BTBD1: variants seen among roughly 807,000 people sequenced by gnomAD.
BTBD1 encodes the protein BTB/POZ domain-containing protein 1.
In BTBD1, 34 loss-of-function variants were observed where a neutral mutation model predicts 48.0. The ratio of observed to expected loss-of-function variants is 0.71; its 90% CI spans 0.54 to 0.94. The LOEUF (loss-of-function observed/expected upper bound fraction) is 0.94. Among genes scored for constraint, BTBD1 ranks in the 40% least tolerant of loss-of-function variants. BTBD1 has a pLI of 0.00. For synonymous variants in BTBD1, 261 were observed against 242.1 expected, an observed-to-expected ratio of 1.08 and a Z score of -0.72; for missense variants, 543 against 625.6, an observed-to-expected ratio of 0.87 and a Z score of 1.41.
At chr15:83,051,571 ACT>A (rs2032982660) in intron 2 of BTBD1, among the ~76,000 whole-genome samples, 2 of 151,208 alleles carry the variant, frequency 1.3e-5, no homozygotes, top group South Asian at 4.1e-4. Flanking sequence ...TAGATTATAC[ACT>A]GAGCCTGTTT....
At chr15:83,048,905 G>A (rs1467780065) in intron 3 of BTBD1, among the ~76,000 whole-genome samples, 1 of 152,212 alleles carries the variant, frequency 6.6e-6, no homozygotes, top group African/African-American at 2.4e-5. Flanking sequence ...GTGAGTGACA[G>A]TGGTCATAGT....
At chr15:83,065,900 T>G (rs2033260070) in intron 1 of BTBD1, among the ~76,000 whole-genome samples, 1 of 152,248 alleles carries the variant, frequency 6.6e-6, no homozygotes, top group Non-Finnish European at 1.5e-5. Flanking sequence ...TGTGACCTTG[T>G]GTGTAGAAAC....
At position 83,017,304 on chromosome 15, in the gene BTBD1, T is replaced by A. The variant is rs543316237; in HGVS notation, c.*763A>T. 1.3e-5 allele frequency: 2 copies of A among 152,772 alleles called. No individual in the cohort carries two copies. Among genetic ancestry groups the A allele is most frequent in the Non-Finnish European group, 2.9e-5 (2 of 68,032 alleles). The allele number at this position is 152,772 out of a possible 1,614,324, so 9.5% of individuals were successfully genotyped here. ...GTCATCATCTCAATCTTGGGAATCA[T>A]CAGCAGTGTCCCCCACACAGAGAGA... is the stretch of plus-strand genomic sequence containing the variant. On this transcript the variant is annotated 3_prime_UTR_variant, in exon 8 of 8. Coordinates refer to ENST00000261721, the MANE Select transcript of BTBD1 (RefSeq NM_025238.4).
intron 6 of BTBD1, among the ~76,000 whole-genome samples, chr15:83,019,927 G>A (rs1363734941): frequency 7.8e-5 from 10 of 128,948 alleles, no homozygotes; most frequent in South Asian, 2.7e-4. Flanking sequence ...CCAAGATCGC[G>A]CCACTGCACT....
chr15:83,020,846 C>T (rs1413159996), intron 5 of BTBD1, 84 bp from the exon 6 acceptor site: 2 of 753,068 alleles, frequency 2.7e-6, no homozygotes, highest in Non-Finnish European at 4.3e-6. Flanking sequence ...TAAGTGTAAC[C>T]TGGAACATCC....
intron 1 of BTBD1, among the ~76,000 whole-genome samples, 192 bp from the exon 2 acceptor site, chr15:83,056,737 G>C (rs1398562193): frequency 8.5e-6 from 1 of 117,268 alleles, no homozygotes; most frequent in East Asian, 2.8e-4. Context: ...CCATCGACAG[G>C]GTCTTGATCG....
chr15:83,058,161 C>A (rs1013746805), intron 1 of BTBD1, among the ~76,000 whole-genome samples: 1 of 152,234 alleles, frequency 6.6e-6, no homozygotes, highest in Non-Finnish European at 1.5e-5. Flanking sequence ...TTACTTCCAA[C>A]TGCTAGCCAA....
chr15:83,041,522 CCCA>C (rs1794206955), intron 4 of BTBD1, among the ~76,000 whole-genome samples: 1 of 151,990 alleles, frequency 6.6e-6, no homozygotes, highest in African/African-American at 2.4e-5. Flanking sequence ...ATTACAGGTG[CCCA>C]CCACCATGCC....
At chr15:83,041,407 G>A (rs1251676806) in intron 4 of BTBD1, among the ~76,000 whole-genome samples, 1 of 149,472 alleles carries the variant, frequency 6.7e-6, no homozygotes, top group Admixed American at 6.7e-5. Flanking sequence ...GTGGAATCTC[G>A]CTCTGTCGCC....
intron 1 of BTBD1, among the ~76,000 whole-genome samples, chr15:83,058,471 C>T (rs2033123794): frequency 1.3e-5 from 2 of 152,256 alleles, no homozygotes; most frequent in South Asian, 4.1e-4. Flanking sequence ...AGGCCAGGCA[C>T]GGTGGCTCAT....
chr15:83,064,367 A>C (rs182624161), intron 1 of BTBD1, among the ~76,000 whole-genome samples: 1 of 152,280 alleles, frequency 6.6e-6, no homozygotes, highest in Admixed American at 6.5e-5. Context: ...CACACTGAAA[A>C]TGTAAAAATG....
chr15:83,030,115 C>T (rs2151302457), intron 5 of BTBD1, 21 bp downstream of exon 5: 2 of 1,611,980 alleles, frequency 1.2e-6, no homozygotes, highest in East Asian at 4.5e-5. Context: ...TCTACCCCCG[C>T]ATCCCCAATA....
At chr15:83,054,421 T>C (rs1278917525) in intron 2 of BTBD1, among the ~76,000 whole-genome samples, 2 of 152,110 alleles carry the variant, frequency 1.3e-5, no homozygotes, top group African/African-American at 2.4e-5. Context: ...CCATAATATA[T>C]GTAAAGGGGA....
At chr15:83,052,748 A>G (rs2033014040) in intron 2 of BTBD1, among the ~76,000 whole-genome samples, 1 of 145,940 alleles carries the variant, frequency 6.9e-6, no homozygotes, top group African/African-American at 2.6e-5. Flanking sequence ...CTACTGCCTC[A>G]GCCTCCCGAG....
intron 1 of BTBD1, among the ~76,000 whole-genome samples, chr15:83,060,243 C>T (rs1196557107): frequency 6.6e-6 from 1 of 151,656 alleles, no homozygotes; most frequent in Admixed American, 6.6e-5. Flanking sequence ...TATACATTTC[C>T]TTTACATTCT....
intron 5 of BTBD1, chr15:83,029,848 GA>G: frequency 2.9e-6 from 1 of 349,520 alleles, no homozygotes; most frequent in Admixed American, 4.7e-5. Context: ...CAGCCTGAGT[GA>G]CAGAGCGACT....
Position 83,032,529 on chromosome 15 carries a change from A to G in BTBD1, c.863-2201T>C, listed in dbSNP as rs142158453. On this transcript the variant is annotated intron_variant, in intron 4 of 7. Transcript: ENST00000261721. ...GAAGAAAATGTGGTATACATACACCATGGAATACTACTCAGCCATAAAATG... is the reference window on the plus strand; with the variant it reads ...GAAGAAAATGTGGTATACATACACCGTGGAATACTACTCAGCCATAAAATG... Among the ~76,000 whole-genome samples the G allele has an allele frequency of 1.7e-4, 26 of 152,292 alleles. No individual in the cohort carries two copies. In the East Asian group the frequency reaches 4.8e-3, roughly 28 times the overall value.
intron 1 of BTBD1, among the ~76,000 whole-genome samples, chr15:83,066,272 C>A (rs2033267617): frequency 6.6e-6 from 1 of 152,110 alleles, no homozygotes; most frequent in Admixed American, 6.5e-5. Flanking sequence ...AGCATTCCAG[C>A]CTGGGCAACA....
intron 3 of BTBD1, chr15:83,044,538 A>G (rs2032837778): frequency 6.3e-7 from 1 of 1,594,024 alleles, no homozygotes; most frequent in Non-Finnish European, 8.6e-7. Flanking sequence ...AAAAACCGAG[A>G]GCACTTTGAA....
Sources: allele counts gnomAD v4.1 joint callset (sites outside exome capture counted in the v4.1 genomes callset), GRCh38; gene constraint gnomAD v4.1.1; transcripts MANE v1.5; gene names NCBI Gene and HGNC (gene_info 2026-07-23, HGNC 2026-07-21).